CARD6: variants seen among roughly 807,000 people sequenced by gnomAD.
The protein encoded by CARD6 is caspase recruitment domain-containing protein 6.
Under a neutral mutation model 23.6 loss-of-function variants are expected in CARD6, and 27 were observed. The observed-to-expected ratio is 1.14, with a 90% CI of 0.84 to 1.58. The LOEUF (loss-of-function observed/expected upper bound fraction) is 1.58. Ranked by LOEUF, CARD6 falls within the 40% of genes most tolerant of loss-of-function variation. The pLI, the probability that CARD6 is intolerant of heterozygous loss-of-function variation, is 0.00. For missense variants in CARD6, 1,214 were observed against 1,209.9 expected (o/e 1.00, Z -0.05); for synonymous variants, 397 against 431.8 (o/e 0.92, Z 1.00).
intron 2 of CARD6, among the ~76,000 whole-genome samples, chr5:40,848,318 C>T (rs898497314): frequency 6.6e-6 from 1 of 151,222 alleles, no homozygotes; most frequent in African/African-American, 2.4e-5. Context: ...GAGGCTCAAG[C>T]CATCCTCCCA....
At position 40,852,185 on chromosome 5, in the gene CARD6, G is replaced by A; in HGVS notation, c.853G>A (p.Val285Met). The A allele has an allele frequency of 6.3e-7, 1 of 1,599,460 alleles. No homozygotes were observed. Among genetic ancestry groups the A allele is most frequent in the Non-Finnish European group, 8.5e-7 (1 of 1,170,858 alleles). Residue 285 changes from valine to methionine, a missense_variant, in exon 3 of 3, where the codon GTG (valine) becomes ATG (methionine). Val to Met is a conservative substitution (Grantham distance 21, BLOSUM62 1). Transcript: ENST00000254691. ...CTTCTCTCCTACAGAAAGAAAAAAG[G>A]TGTTTAAAGATGTCCTGTTATGTTT... ...QEKSIEERKKVFKDVLLCLNM... is the reference protein window; with the variant it reads ...QEKSIEERKKMFKDVLLCLNM...
rs1299309504 is a variant in CARD6 at position 40,854,679 on chromosome 5, T to C, written c.*233T>C. 1.1e-5 allele frequency: 5 copies of C among 464,220 alleles called. No homozygotes were observed. Among genetic ancestry groups the C allele is most frequent in the East Asian group, 7.5e-5 (2 of 26,598 alleles). 28.8% of individuals were successfully genotyped at this position (464,220 alleles called of 1,614,324 possible). ...GATCTCGGCTCACCGCAACCTCTGCTTCCTGGCTTAAAGTGATTCTCCTGC... is the reference window on the plus strand; with the variant it reads ...GATCTCGGCTCACCGCAACCTCTGCCTCCTGGCTTAAAGTGATTCTCCTGC... On this transcript the variant is annotated 3_prime_UTR_variant, in exon 3 of 3. Coordinates refer to ENST00000254691, the MANE Select transcript of CARD6 (RefSeq NM_032587.4).
At chr5:40,844,158 T>A (rs1047870198) in intron 2 of CARD6, among the ~76,000 whole-genome samples, 5 of 152,234 alleles carry the variant, frequency 3.3e-5, no homozygotes, top group Non-Finnish European at 7.3e-5. Flanking sequence ...GATCCCAAAA[T>A]ATTGTTACTT....
intron 2 of CARD6, among the ~76,000 whole-genome samples, chr5:40,851,966 A>T (rs1189265469): frequency 6.7e-6 from 1 of 148,440 alleles, no homozygotes; most frequent in African/African-American, 2.5e-5. Context: ...ATCTCTATTA[A>T]AAAAAAAAAG....
chr5:40,848,906 C>G (rs1264794778), intron 2 of CARD6, among the ~76,000 whole-genome samples: 1 of 152,062 alleles, frequency 6.6e-6, no homozygotes, highest in Non-Finnish European at 1.5e-5. Context: ...TTAGATACAT[C>G]TCTGTTTTGT....
intron 2 of CARD6, among the ~76,000 whole-genome samples, chr5:40,846,369 A>AGG (rs144125890): frequency 3.2e-4 from 48 of 151,894 alleles, no homozygotes; most frequent in Non-Finnish European, 4.9e-4. Flanking sequence ...AGCAAGGTGG[A>AGG]GGGGGGGAGA....
In CARD6 at chr5:40,853,341, C is replaced by A. The variant is rs1475679386; in HGVS notation, c.2009C>A (p.Ser670Tyr). ...GAAAACACTCAGAGAATTCAAGTTT[C>A]CTCTGGAGAAAACATGGCTGGGACA... is the stretch of plus-strand genomic sequence containing the variant. ...DFENTQRIQV[S>Y]SGENMAGTAE... The change falls in exon 3 of 3, where the codon TCC (serine) becomes TAC (tyrosine). Residue 670 changes from serine to tyrosine, a missense_variant. Coordinates refer to ENST00000254691, the MANE Select transcript of CARD6 (RefSeq NM_032587.4). 1.2e-6 allele frequency: 2 copies of A among 1,614,128 alleles called. No individual in the cohort carries two copies. The highest frequency in any genetic ancestry group is 4.5e-5 in the East Asian group (2 of 44,884).
intron 1 of CARD6, 101 bp from the exon 2 acceptor site, chr5:40,843,051 A>C: frequency 2.6e-6 from 2 of 758,264 alleles, no homozygotes; most frequent in South Asian, 4.0e-5. Context: ...AAAATAAATA[A>C]ATAAATAAAA....
At position 40,854,060 on chromosome 5, in the gene CARD6, C is replaced by T. The variant is rs762384377; in HGVS notation, c.2728C>T (p.Pro910Ser). 4.3e-6 allele frequency: 7 copies of T among 1,614,060 alleles called. No homozygotes were observed. Among genetic ancestry groups the T allele is most frequent in the Non-Finnish European group, 5.9e-6 (7 of 1,180,046 alleles). Residue 910 changes from proline (P) to serine (S), a missense_variant, in exon 3 of 3, where the codon CCT (proline) becomes TCT (serine). By Grantham distance (74) the Pro-to-Ser change is moderately conservative. Transcript: ENST00000254691. ...QPAAATQKLR[P>S]ASQQGVQMKT... ...AGCAGCAGCCACACAAAAACTAAGACCTGCTTCTCAGCAAGGAGTCCAGAT... is the reference window on the plus strand; with the variant it reads ...AGCAGCAGCCACACAAAAACTAAGATCTGCTTCTCAGCAAGGAGTCCAGAT...
In CARD6 at chr5:40,854,410, C is replaced by T. The variant is rs1746153000; in HGVS notation, c.3078C>T (p.His1026=). The T allele has an allele frequency of 5.0e-6, 8 of 1,613,970 alleles. No individual in the cohort carries two copies. Among genetic ancestry groups the T allele is most frequent in the African/African-American group, 1.3e-5 (1 of 74,926 alleles). The part of the protein sequence containing the change: ...STNPSQAKAH[H]SKAGQKRGGK... ...ATCCTTCACAAGCTAAGGCACACCACTCAAAAGCAGGGCAGAAGAGGGGAG... is the reference window on the plus strand; with the variant it reads ...ATCCTTCACAAGCTAAGGCACACCATTCAAAAGCAGGGCAGAAGAGGGGAG... Residue 1026 remains histidine, a synonymous_variant, in exon 3 of 3, where the codon CAC becomes CAT. Transcript: ENST00000254691.
At position 40,854,167 on chromosome 5, in the gene CARD6, T is replaced by C; in HGVS notation, c.2835T>C (p.Asp945=). The stretch of plus-strand genomic sequence containing the variant: ...GCAAGAGCTCTCAGTTCAAATCCGA[T>C]CAGTCCAACCCATCCACAGTCAAAC... ...PMCKSSQFKS[D]QSNPSTVKHS... The change falls in exon 3 of 3, where the codon GAT becomes GAC. Residue 945 remains aspartate (D), a synonymous_variant. Transcript: ENST00000254691. 2 of 1,614,134 alleles carry C rather than the reference T, an allele frequency of 1.2e-6. No individual in the cohort carries two copies. The highest frequency in any genetic ancestry group is 1.7e-6 in the Non-Finnish European group (2 of 1,180,038).
Position 40,850,721 on chromosome 5 carries a change from C to CAA in CARD6, c.842-1429_842-1428dup, listed in dbSNP as rs34372703. ...TGGTGACAGAGTGAGACTCCGTCTC[C>CAA]AAAAAAAAAAAAAAAAAAAAAAAAA... On this transcript the variant is annotated intron_variant, in intron 2 of 2. Coordinates refer to ENST00000254691, the MANE Select transcript of CARD6 (RefSeq NM_032587.4). Among the ~76,000 whole-genome samples, 384 of 46,312 alleles carry CAA rather than the reference C, an allele frequency of 8.3e-3. 4 individuals are homozygous for CAA. The highest frequency in any genetic ancestry group is 9.5e-3 in the Non-Finnish European group (266 of 27,966). 30.4% of individuals were successfully genotyped at this position (46,312 alleles called of 152,430 possible).
In CARD6 at chr5:40,852,907, G is replaced by C; in HGVS notation, c.1575G>C (p.Lys525Asn). The C allele has an allele frequency of 1.9e-6, 3 of 1,613,666 alleles. No individual in the cohort carries two copies. Among genetic ancestry groups the C allele is most frequent in the Non-Finnish European group, 2.5e-6 (3 of 1,179,920 alleles). ...GAAAGGAAAACCCCTTTTTCCAAAAGCCTGTTGCTCTGGCTAATCTCCGTG... is the reference window on the plus strand; with the variant it reads ...GAAAGGAAAACCCCTTTTTCCAAAACCCTGTTGCTCTGGCTAATCTCCGTG... ...DDRKENPFFQKPVALANLRGN... is the reference protein window; with the variant it reads ...DDRKENPFFQNPVALANLRGN... The change falls in exon 3 of 3, where the codon AAG becomes AAC. Residue 525 changes from lysine to asparagine, a missense_variant. Physicochemically the swap from Lys to Asn is moderately conservative, Grantham distance 94. Coordinates refer to ENST00000254691, the MANE Select transcript of CARD6 (RefSeq NM_032587.4).
rs374577196 is a variant in CARD6 at position 40,854,127 on chromosome 5, G to A, written c.2795G>A (p.Gly932Glu). 1.2e-6 allele frequency: 2 copies of A among 1,613,952 alleles called. No homozygotes were observed. The highest frequency in any genetic ancestry group is 2.7e-5 in the African/African-American group (2 of 74,868). ...GGASNPALQI[G>E]SHPMCKSSQF... ...GCTTCAAATCCAGCTCTCCAAATAG[G>A]GTCCCATCCCATGTGCAAGAGCTCT... The change falls in exon 3 of 3, where the codon GGG becomes GAG. Residue 932 changes from glycine to glutamate, a missense_variant. Transcript: ENST00000254691.
intron 2 of CARD6, among the ~76,000 whole-genome samples, chr5:40,846,372 G>A (rs554493054): frequency 5.3e-5 from 8 of 152,014 alleles, no homozygotes; most frequent in Non-Finnish European, 1.0e-4. Context: ...AAGGTGGAGG[G>A]GGGGAGACAG....
rs959728906 is a variant in CARD6, at chr5:40,841,451, A to G, written c.69A>G (p.Gln23=). ...RERKKLLEIL[Q]HDPDSILDTL... ...GAAAAAAGTTGCTTGAAATCCTTCA[A>G]CATGATCCTGATTCTATCTTAGACA... Residue 23 remains glutamine, a synonymous_variant, in exon 1 of 3, where the codon CAA becomes CAG. Transcript: ENST00000254691. 3.1e-6 allele frequency: 5 copies of G among 1,613,792 alleles called. No individual in the cohort carries two copies. The highest frequency in any genetic ancestry group is 2.2e-5 in the South Asian group (2 of 91,054).
chr5:40,844,968 A>G (rs1395203922), intron 2 of CARD6, among the ~76,000 whole-genome samples: 9 of 151,266 alleles, frequency 5.9e-5, no homozygotes, highest in Admixed American at 5.9e-4. Context: ...CCCGGGTTCA[A>G]GCGATTCACC....
At position 40,852,708 on chromosome 5, in the gene CARD6, G is replaced by C; in HGVS notation, c.1376G>C (p.Arg459Pro). The change falls in exon 3 of 3, where the codon CGT (arginine) becomes CCT (proline). Residue 459 changes from arginine (R) to proline (P), a missense_variant. Coordinates refer to ENST00000254691, the MANE Select transcript of CARD6 (RefSeq NM_032587.4). ...AAGATGCCTGTCATCTCTTTTGTGC[G>C]TCTAGGATACTGTAGCTTCTCTAAG... ...LMKMPVISFVRLGYCSFSKSR... is the reference protein window; with the variant it reads ...LMKMPVISFVPLGYCSFSKSR... The C allele has an allele frequency of 1.9e-6, 3 of 1,613,990 alleles. No individual in the cohort carries two copies. The highest frequency in any genetic ancestry group is 2.5e-6 in the Non-Finnish European group (3 of 1,179,924).
At chr5:40,846,112 A>C (rs1161723180) in intron 2 of CARD6, among the ~76,000 whole-genome samples, 1 of 151,434 alleles carries the variant, frequency 6.6e-6, no homozygotes. Flanking sequence ...TCCTGGGTTC[A>C]AGCGATTCTC....
Sources: gnomAD v4.1 joint callset for allele counts (sites outside exome capture counted in the v4.1 genomes callset) on GRCh38, gnomAD v4.1.1 for gene constraint, MANE v1.5 for transcripts, NCBI Gene and HGNC (gene_info 2026-07-23, HGNC 2026-07-21) for gene names.